ECE1: variants seen among roughly 807,000 people sequenced by gnomAD.
ECE1 encodes the protein endothelin-converting enzyme 1.
ECE1 carries 35 observed loss-of-function variants against 98.6 expected under a neutral mutation model. That is an observed-to-expected ratio of 0.35 (90% CI 0.27 to 0.47). ECE1 has a LOEUF of 0.47. Among genes scored for constraint, ECE1 ranks in the 20% least tolerant of loss-of-function variants. ECE1 has a pLI of 1.00. For missense variants in ECE1, 814 were observed against 1,025.3 expected, an observed-to-expected ratio of 0.79 and a Z score of 2.81; for synonymous variants, 394 against 407.1, an observed-to-expected ratio of 0.97 and a Z score of 0.39.
chr1:21,335,188 C>A (rs1186639266), intron 1 of ECE1, among the ~76,000 whole-genome samples: 1 of 152,036 alleles, frequency 6.6e-6, no homozygotes, highest in Non-Finnish European at 1.5e-5. Context: ...CGTCTTTGCC[C>A]GGCTGCCCCC....
intron 3 of ECE1, among the ~76,000 whole-genome samples, chr1:21,277,007 T>C (rs559961644): frequency 2.4e-4 from 36 of 152,314 alleles, no homozygotes; most frequent in African/African-American, 7.2e-4. Context: ...CGTAAGCTAC[T>C]GCGCCCGGCC....
rs1472741053 is a variant in ECE1, at chr1:21,345,249, G to A, written c.3+127C>T. The stretch of plus-strand genomic sequence containing the variant: ...CACGCCTTCCGAGAGCCGGGCGGGG[G>A]CTGCTGCTGCAGCCGGCGCCCAGCC... On this transcript the variant is annotated intron_variant, in intron 1 of 18. Transcript: ENST00000415912. This position sits in a 1 kb window ranked among gnomAD's most constrained non-coding sequence, Gnocchi z 5.1. The A allele has an allele frequency of 1.2e-5, 14 of 1,155,478 alleles. No homozygotes were observed. Among genetic ancestry groups the A allele is most frequent in the Non-Finnish European group, 1.5e-5 (14 of 934,448 alleles). The allele number at this position is 1,155,478 out of a possible 1,614,324, so 71.6% of individuals were successfully genotyped here.
chr1:21,313,110 C>T (rs759841174), intron 1 of ECE1, among the ~76,000 whole-genome samples: 1 of 152,258 alleles, frequency 6.6e-6, no homozygotes, highest in Admixed American at 6.5e-5. Flanking sequence ...CTGCCCTCTG[C>T]GCCCCACTAT....
chr1:21,272,737 A>G lies in ECE1; in HGVS notation c.455T>C (p.Leu152Pro). 1.2e-6 allele frequency: 2 copies of G among 1,614,204 alleles called. No individual in the cohort carries two copies. Among genetic ancestry groups the G allele is most frequent in the Non-Finnish European group, 1.7e-6 (2 of 1,180,038 alleles). Residue 152 changes from leucine (L) to proline (P), a missense_variant, in exon 4 of 19, where the codon CTC (leucine) becomes CCC (proline). Physicochemically the swap from Leu to Pro is moderately conservative, Grantham distance 98. This residue lies in a region of ECE1 where 257 missense variants were observed against 278.9 expected (regional missense o/e 0.92). Transcript: ENST00000374893. ...GHSRWGTFSN[L>P]WEHNQAIIKH... is the part of the protein sequence containing the mutation. ...GATGATTGCTTGGTTGTGTTCCCAGAGGTTGCTGAAGGTCCCCCAGCGTGA... is the reference window on the plus strand; with the variant it reads ...GATGATTGCTTGGTTGTGTTCCCAGGGGTTGCTGAAGGTCCCCCAGCGTGA...
intron 16 of ECE1, among the ~76,000 whole-genome samples, chr1:21,226,127 G>A (rs778557918): frequency 6.6e-6 from 1 of 152,166 alleles, no homozygotes; most frequent in Non-Finnish European, 1.5e-5. Context: ...ATCTCCGCCC[G>A]GGAGTGCCCA....
intron 4 of ECE1, among the ~76,000 whole-genome samples, chr1:21,264,375 C>T (rs1268906338): frequency 6.8e-6 from 1 of 147,470 alleles, no homozygotes; most frequent in Non-Finnish European, 1.5e-5. Context: ...AGTGCAGTGG[C>T]ACGAACTTGG....
rs369073011 is a variant in ECE1 at position 21,306,340 on chromosome 1, T to G, written c.4-16184A>C. 3.8e-4 allele frequency among the ~76,000 whole-genome samples: 58 copies of G among 152,020 alleles called. 1 individual carries two copies. Among genetic ancestry groups the G allele is most frequent in the African/African-American group, 1.3e-3 (52 of 41,412 alleles). On this transcript the variant is annotated intron_variant, in intron 1 of 18. Transcript: ENST00000415912. ...TATGTTAAGTGTTTTTTTGTTTTTT[T>G]TTTTTTCAGATGGAGTTTGGAGTTT... is the stretch of plus-strand genomic sequence containing the variant.
At chr1:21,224,368 C>G (rs1573927379) in intron 17 of ECE1, among the ~76,000 whole-genome samples, 1 of 152,202 alleles carries the variant, frequency 6.6e-6, no homozygotes. Context: ...CCAGCCTCCA[C>G]TAAGAGTATA....
chr1:21,279,123 C>T lies in ECE1; in HGVS notation c.280+68G>A, dbSNP rs1222545995. ...CCCCGGCTTAAGCAGGGAAGCCCCC[C>T]TCGCCCGAGCTGACGGAGCCGGGTG... On this transcript the variant is annotated intron_variant, in intron 3 of 18. Transcript: ENST00000374893. 3.7e-6 allele frequency: 6 copies of T among 1,613,076 alleles called. No homozygotes were observed. In the African/African-American group the frequency reaches 5.3e-5, roughly 14 times the overall value.
At chr1:21,253,748 G>A (rs935073003) in intron 8 of ECE1, among the ~76,000 whole-genome samples, 1 of 136,790 alleles carries the variant, frequency 7.3e-6, no homozygotes, top group Non-Finnish European at 1.5e-5. Flanking sequence ...GGGCGAGAGC[G>A]CGAGACTCTG....
intron 3 of ECE1, among the ~76,000 whole-genome samples, chr1:21,274,994 G>A (rs778919136): frequency 1.3e-5 from 2 of 152,184 alleles, no homozygotes; most frequent in Non-Finnish European, 2.9e-5. Flanking sequence ...GGCAGGGAAA[G>A]AATTTCCATG....
At position 21,340,052 on chromosome 1, in the gene ECE1, A is replaced by G. The variant is rs1438060264; in HGVS notation, c.3+5324T>C. ...TTTATGTGTCCAAAACTTGGCGTCT[A>G]GGAAGCATTCCACCAAGTGTTAACA... On this transcript the variant is annotated intron_variant, in intron 1 of 18. Transcript: ENST00000415912. The surrounding 1 kb of genome is among the most constrained non-coding windows in gnomAD (Gnocchi z 4.6). 6.6e-6 allele frequency among the ~76,000 whole-genome samples: 1 copy of G among 152,252 alleles called. No individual in the cohort carries two copies. Among genetic ancestry groups the G allele is most frequent in the East Asian group, 1.9e-4 (1 of 5,204 alleles).
At chr1:21,342,938 A>G (rs546742490) in intron 1 of ECE1, among the ~76,000 whole-genome samples, 11 of 152,288 alleles carry the variant, frequency 7.2e-5, no homozygotes, top group African/African-American at 1.9e-4. Context: ...TTCTGGCCCC[A>G]GCAACCTTTT....
Position 21,327,168 on chromosome 1 carries a change from C to T in ECE1, c.3+18208G>A, listed in dbSNP as rs213029. On this transcript the variant is annotated intron_variant, in intron 1 of 18. Coordinates refer to the ECE1 transcript ENST00000415912. This position sits in a 1 kb window ranked among gnomAD's most constrained non-coding sequence, Gnocchi z 4.6. Reference sequence around the variant, plus strand: ...AGGGCATGGGGAGGGACGAAGCCACCAGGAGACTGGGAAGAGGGACTCTGC... The same window carrying T: ...AGGGCATGGGGAGGGACGAAGCCACTAGGAGACTGGGAAGAGGGACTCTGC... 0.11 allele frequency among the ~76,000 whole-genome samples: 17,120 copies of T among 152,220 alleles called. 1,205 individuals are homozygous for T. Among genetic ancestry groups the T allele is most frequent in the East Asian group, 0.37 (1,921 of 5,152 alleles).
chr1:21,270,689 C>T (rs539388711), intron 4 of ECE1, among the ~76,000 whole-genome samples: 1 of 152,214 alleles, frequency 6.6e-6, no homozygotes, highest in South Asian at 2.1e-4. Context: ...GCAGCCACCA[C>T]AACATGCCAA....
chr1:21,283,476 G>T (rs1369501265), intron 2 of ECE1, among the ~76,000 whole-genome samples: 1 of 152,054 alleles, frequency 6.6e-6, no homozygotes, highest in Admixed American at 6.5e-5. Context: ...TCACCATGTT[G>T]GCCAGGCTGG....
At chr1:21,325,195 C>T (rs1408037651) in intron 1 of ECE1, among the ~76,000 whole-genome samples, 1 of 152,238 alleles carries the variant, frequency 6.6e-6, no homozygotes, top group African/African-American at 2.4e-5. Context: ...GAACCATAAA[C>T]TGGCTCCAGG....
At chr1:21,232,296 T>TC (rs1160135126) in intron 14 of ECE1, among the ~76,000 whole-genome samples, 1 of 151,852 alleles carries the variant, frequency 6.6e-6, no homozygotes, top group Non-Finnish European at 1.5e-5. Context: ...CAGTTTTTTT[T>TC]TTTCTTTCTT....
At chr1:21,250,914 G>A (rs1476914253) in intron 8 of ECE1, among the ~76,000 whole-genome samples, 1 of 152,018 alleles carries the variant, frequency 6.6e-6, no homozygotes, top group African/African-American at 2.4e-5. Context: ...GGCTGAGGCA[G>A]GAGAATGGCA....
Sources: allele counts gnomAD v4.1 joint callset (sites outside exome capture counted in the v4.1 genomes callset), GRCh38; gene constraint gnomAD v4.1.1; regional missense constraint gnomAD v4.1.1; non-coding constraint Gnocchi (gnomAD v3.1); transcripts MANE v1.5; gene names NCBI Gene and HGNC (gene_info 2026-07-23, HGNC 2026-07-21).